The following GM2A variants were observed in gnomAD, a reference collection of about 807,000 sequenced individuals.
GM2A encodes the protein GM2 ganglioside activator.
A neutral mutation model predicts 12.9 loss-of-function variants in GM2A; 7 were observed. The ratio of observed to expected loss-of-function variants is 0.54; its 90% CI spans 0.31 to 1.02. The LOEUF is 1.02. Among genes scored for constraint, GM2A ranks in the 50% least tolerant of loss-of-function variants. GM2A has a pLI of 0.05. For synonymous variants in GM2A, 101 were observed against 96.0 expected (o/e 1.05, Z -0.30); for missense variants, 246 against 241.0 (o/e 1.02, Z -0.14).
chr5:151,253,625 C>T lies in GM2A; in HGVS notation c.81+328C>T, dbSNP rs114014590. ...TCAGTCCTGTTAACCCTGCACCTTA[C>T]TCCTGACCCCCACTCCTTATGTCCC... On this transcript the variant is annotated intron_variant, in intron 1 of 3. Coordinates refer to ENST00000357164, the MANE Select transcript of GM2A (RefSeq NM_000405.5). 7.5e-3 allele frequency among the ~76,000 whole-genome samples: 1,144 copies of T among 152,138 alleles called. 14 individuals carry two copies. Among genetic ancestry groups the T allele is most frequent in the African/African-American group, 0.026 (1,093 of 41,484 alleles).
chr5:151,268,829 G>A lies in GM2A; in HGVS notation c.*1378G>A, dbSNP rs958473388. On this transcript the variant is annotated 3_prime_UTR_variant, in exon 4 of 4. Transcript: ENST00000357164. The stretch of plus-strand genomic sequence containing the variant: ...TCCCAAACGGACTGGCTCATGGGTG[G>A]CCACGTCACAACCTCTGATCTCAGA... 2.0e-6 allele frequency: 2 copies of A among 982,086 alleles called. No homozygotes were observed. Among genetic ancestry groups the A allele is most frequent in the Non-Finnish European group, 1.2e-6 (1 of 826,904 alleles). The allele number at this position is 982,086 out of a possible 1,614,324, so 60.8% of individuals were successfully genotyped here.
chr5:151,261,623 G>C (rs905570663), intron 2 of GM2A, among the ~76,000 whole-genome samples: 1 of 151,906 alleles, frequency 6.6e-6, no homozygotes, highest in Non-Finnish European at 1.5e-5. Flanking sequence ...ATTTTTAGTA[G>C]AGATGGGGTT....
chr5:151,264,750 C>T lies in GM2A; in HGVS notation c.244-1981C>T, dbSNP rs190807148. On this transcript the variant is annotated intron_variant, in intron 2 of 3. Transcript: ENST00000357164. The stretch of plus-strand genomic sequence containing the variant: ...ATCCCAGGACCTTGGGAGGCCGAGG[C>T]GGGTGGATCATTTGAAGTCAGGAGT... Among the ~76,000 whole-genome samples the T allele has an allele frequency of 2.3e-4, 35 of 152,154 alleles. No homozygotes were observed. The East Asian group carries it at 5.0e-3, about 22-fold the overall frequency.
intron 2 of GM2A, among the ~76,000 whole-genome samples, chr5:151,264,942 A>G (rs1753856312): frequency 6.6e-6 from 1 of 151,682 alleles, no homozygotes; most frequent in South Asian, 2.1e-4. Flanking sequence ...AAATCACACC[A>G]CTATACTCCA....
chr5:151,268,113 A>G lies in GM2A; in HGVS notation c.*662A>G. 1.0e-6 allele frequency: 1 copy of G among 988,180 alleles called. No homozygotes were observed. Among genetic ancestry groups the G allele is most frequent in the Non-Finnish European group, 1.2e-6 (1 of 831,890 alleles). The allele number at this position is 988,180 out of a possible 1,614,324, so 61.2% of individuals were successfully genotyped here. On this transcript the variant is annotated 3_prime_UTR_variant, in exon 4 of 4. Transcript: ENST00000357164. ...CTAGCAAGAGACTTAAATGACTGAT[A>G]AGAACCGTGAGAAACATGTTGCTTC... is the stretch of plus-strand genomic sequence containing the variant.
At chr5:151,261,648 A>G (rs1753801158) in intron 2 of GM2A, among the ~76,000 whole-genome samples, 1 of 152,214 alleles carries the variant, frequency 6.6e-6, no homozygotes, top group East Asian at 1.9e-4. Flanking sequence ...CATGTTGGCC[A>G]GGCTGGTCTT....
intron 2 of GM2A, among the ~76,000 whole-genome samples, chr5:151,263,522 T>G (rs1753834692): frequency 6.6e-6 from 1 of 152,172 alleles, no homozygotes; most frequent in Non-Finnish European, 1.5e-5. Flanking sequence ...CAGGAAAGGT[T>G]GCAACTTGAC....
At chr5:151,253,344 G>C (rs1390926041) in intron 1 of GM2A, 47 bp downstream of exon 1, 15 of 1,403,912 alleles carry the variant, frequency 1.1e-5, no homozygotes, top group Non-Finnish European at 1.5e-5. Flanking sequence ...TCCTGGCCCA[G>C]CTACGGGTGT....
chr5:151,253,256 G>C lies in GM2A; in HGVS notation c.40G>C (p.Gly14Arg). The C allele has an allele frequency of 6.2e-7, 1 of 1,614,012 alleles. No homozygotes were observed. Among genetic ancestry groups the C allele is most frequent in the Non-Finnish European group, 8.5e-7 (1 of 1,179,962 alleles). ...LMQAPLLIALGLLLAAPAQAH... is the reference protein window; with the variant it reads ...LMQAPLLIALRLLLAAPAQAH... ...GCAGGCTCCCCTCCTGATCGCCCTG[G>C]GCTTGCTTCTCGCGGCCCCTGCGCA... Residue 14 changes from glycine to arginine, a missense_variant, in exon 1 of 4, where the codon GGC becomes CGC. By Grantham distance (125) the Gly-to-Arg change is moderately radical (BLOSUM62 -2). Coordinates refer to ENST00000357164, the MANE Select transcript of GM2A (RefSeq NM_000405.5).
Position 151,270,011 on chromosome 5 carries a change from C to G in GM2A, c.*2560C>G. 2 of 1,228,424 alleles carry G rather than the reference C, an allele frequency of 1.6e-6. No individual in the cohort carries two copies. Among genetic ancestry groups the G allele is most frequent in the Non-Finnish European group, 2.0e-6 (2 of 986,468 alleles). The allele number at this position is 1,228,424 out of a possible 1,614,324, so 76.1% of individuals were successfully genotyped here. On this transcript the variant is annotated 3_prime_UTR_variant, in exon 4 of 4. Coordinates refer to ENST00000357164, the MANE Select transcript of GM2A (RefSeq NM_000405.5). ...TCTTCCAGCCTTATTCTCAACAGTT[C>G]ATTTTTAGTTCACATTCTTGACCGA...
chr5:151,267,869 T>C lies in GM2A; in HGVS notation c.*418T>C. On this transcript the variant is annotated 3_prime_UTR_variant, in exon 4 of 4. Coordinates refer to ENST00000357164, the MANE Select transcript of GM2A (RefSeq NM_000405.5). ...CGAAGTGAGAGTATTAACGTTTTTGTTCTCCTCCGGCCCCCTGTTACAATG... is the reference window on the plus strand; with the variant it reads ...CGAAGTGAGAGTATTAACGTTTTTGCTCTCCTCCGGCCCCCTGTTACAATG... 1 of 1,160,828 alleles carries C rather than the reference T, an allele frequency of 8.6e-7. No individual in the cohort carries two copies. The highest frequency in any genetic ancestry group is 1.1e-6 in the Non-Finnish European group (1 of 928,920). 71.9% of individuals were successfully genotyped at this position (1,160,828 alleles called of 1,614,324 possible).
chr5:151,267,694 A>AC lies in GM2A; in HGVS notation c.*244dup, dbSNP rs1237685170. On this transcript the variant is annotated 3_prime_UTR_variant, in exon 4 of 4. Transcript: ENST00000357164. ...GCCCAGGGCATCTGCTGGGCTGACC[A>AC]CGTTACTCATCCCCGTTAACATTCT... 2.8e-6 allele frequency: 4 copies of AC among 1,443,626 alleles called. No homozygotes were observed. The East Asian group carries it at 9.0e-5, about 32-fold the overall frequency. The allele number at this position is 1,443,626 out of a possible 1,614,324, so 89.4% of individuals were successfully genotyped here. A position where few individuals can be genotyped will look rare whatever the true frequency, so the allele number is the denominator to read the frequency against.
chr5:151,269,164 C>T lies in GM2A; in HGVS notation c.*1713C>T, dbSNP rs1359485865. 8 of 985,338 alleles carry T rather than the reference C, an allele frequency of 8.1e-6. No individual in the cohort carries two copies. The highest frequency in any genetic ancestry group is 9.6e-6 in the Non-Finnish European group (8 of 829,950). The allele number at this position is 985,338 out of a possible 1,614,324, so 61.0% of individuals were successfully genotyped here. On this transcript the variant is annotated 3_prime_UTR_variant, in exon 4 of 4. Coordinates refer to ENST00000357164, the MANE Select transcript of GM2A (RefSeq NM_000405.5). ...CTACCACCCTGTTACATCATAACAA[C>T]TTCTGAAACACACACCAGCCCTGAG...
At chr5:151,262,128 T>C (rs1162558646) in intron 2 of GM2A, among the ~76,000 whole-genome samples, 1 of 152,260 alleles carries the variant, frequency 6.6e-6, no homozygotes, top group African/African-American at 2.4e-5. Context: ...TTTCCATCCA[T>C]TGACTATTTT....
intron 2 of GM2A, 45 bp from the exon 3 acceptor site, chr5:151,266,686 C>A: frequency 6.8e-7 from 1 of 1,460,328 alleles, no homozygotes; most frequent in Non-Finnish European, 9.6e-7. Flanking sequence ...CTGGAATTTA[C>A]ACTTATAACC....
At position 151,269,930 on chromosome 5, in the gene GM2A, C is replaced by A. The variant is rs886060276; in HGVS notation, c.*2479C>A. 16 of 1,180,152 alleles carry A rather than the reference C, an allele frequency of 1.4e-5. No individual in the cohort carries two copies. The highest frequency in any genetic ancestry group is 1.3e-5 in the Non-Finnish European group (12 of 952,322). 73.1% of individuals were successfully genotyped at this position (1,180,152 alleles called of 1,614,324 possible). On this transcript the variant is annotated 3_prime_UTR_variant, in exon 4 of 4. Coordinates refer to ENST00000357164, the MANE Select transcript of GM2A (RefSeq NM_000405.5). ...CCACGAGTTGACCACTTCCCAATGC[C>A]GGGGATCTGACACCTCACCTGGCAA...
chr5:151,268,784 A>G lies in GM2A; in HGVS notation c.*1333A>G. The G allele has an allele frequency of 2.7e-6, 2 of 737,948 alleles. No homozygotes were observed. The highest frequency in any genetic ancestry group is 3.3e-6 in the Non-Finnish European group (2 of 604,178). 45.7% of individuals were successfully genotyped at this position (737,948 alleles called of 1,614,324 possible). On this transcript the variant is annotated 3_prime_UTR_variant, in exon 4 of 4. Transcript: ENST00000357164. ...ATTGGCAGCTAATTATTTTTTTAAA[A>G]AGCTGTGCAGTGTGATGTGTCCCAA...
chr5:151,259,562 G>T (rs1396070705), intron 1 of GM2A, among the ~76,000 whole-genome samples, 193 bp from the exon 2 acceptor site: 1 of 152,120 alleles, frequency 6.6e-6, no homozygotes, highest in Non-Finnish European at 1.5e-5. Context: ...TTTTAGTTTA[G>T]TCCTGCCTAT....
intron 2 of GM2A, among the ~76,000 whole-genome samples, 171 bp downstream of exon 2, chr5:151,260,087 T>A (rs528407662): frequency 1.3e-5 from 2 of 152,132 alleles, no homozygotes; most frequent in African/African-American, 4.8e-5. Context: ...AATCTCAGGA[T>A]CATAAGATTG....
Sources: gnomAD v4.1 joint callset for allele counts (sites outside exome capture counted in the v4.1 genomes callset) on GRCh38, gnomAD v4.1.1 for gene constraint, MANE v1.5 for transcripts, NCBI Gene and HGNC (gene_info 2026-07-23, HGNC 2026-07-21) for gene names.